The following TRIM67 variants were observed in gnomAD, a reference collection of about 807,000 sequenced individuals.
TRIM67 encodes the protein tripartite motif-containing protein 67.
TRIM67 carries 39 observed loss-of-function variants against 71.0 expected under a neutral mutation model. The observed-to-expected ratio is 0.55, with a 90% CI of 0.43 to 0.72. The LOEUF is 0.72. Among genes scored for constraint, TRIM67 ranks in the 30% least tolerant of loss-of-function variants. The pLI is 0.00. For synonymous variants in TRIM67, 481 were observed against 473.9 expected (o/e 1.01, Z -0.19); for missense variants, 973 against 1,079.2 (o/e 0.90, Z 1.38).
At chr1:231,187,742 G>A in intron 1 of TRIM67, 1 of 609,790 alleles carries the variant, frequency 1.6e-6, no homozygotes, top group Non-Finnish European at 2.8e-6. Flanking sequence ...TGGCTGGGTA[G>A]CCAGAGGGAC....
chr1:231,219,787 C>T lies in TRIM67; in HGVS notation c.*4347C>T, dbSNP rs1030608947. 21 of 1,239,612 alleles carry T rather than the reference C, an allele frequency of 1.7e-5. No individual in the cohort carries two copies. The highest frequency in any genetic ancestry group is 5.8e-5 in the East Asian group (1 of 17,246). The allele number at this position is 1,239,612 out of a possible 1,614,324, so 76.8% of individuals were successfully genotyped here. A position where few individuals can be genotyped will look rare whatever the true frequency, so the allele number is the denominator to read the frequency against. On this transcript the variant is annotated 3_prime_UTR_variant, in exon 10 of 10. Transcript: ENST00000366653. ...CAGGACTTTTCTTTTGCAAGTGAGC[C>T]GGTAGCTGTGTTTGTTGACCACATT...
In TRIM67 at chr1:231,163,586, C is replaced by T. The variant is rs775131901; in HGVS notation, c.617C>T (p.Ala206Val). 2 of 1,515,944 alleles carry T rather than the reference C, an allele frequency of 1.3e-6. No individual in the cohort carries two copies. Among genetic ancestry groups the T allele is most frequent in the South Asian group, 2.5e-5 (2 of 81,386 alleles). 93.9% of individuals were successfully genotyped at this position (1,515,944 alleles called of 1,614,324 possible). The change falls in exon 1 of 10, where the codon GCC becomes GTC. Residue 206 changes from alanine to valine, a missense_variant. By Grantham distance (64) the Ala-to-Val change is moderately conservative. Coordinates refer to ENST00000366653, the MANE Select transcript of TRIM67 (RefSeq NM_001004342.5). ...GGGACGTCTGCAGCCGCGGCGGTGGCCATCTGCCAGCTGTGCGACCGCACC... is the reference window on the plus strand; with the variant it reads ...GGGACGTCTGCAGCCGCGGCGGTGGTCATCTGCCAGCTGTGCGACCGCACC... Reference protein sequence around the residue: ...VPGTSAAAAVAICQLCDRTPP... With the variant: ...VPGTSAAAAVVICQLCDRTPP...
rs559637262 is a variant in TRIM67, at chr1:231,201,889, C to T, written c.1534+372C>T. 4.0e-5 allele frequency among the ~76,000 whole-genome samples: 6 copies of T among 150,678 alleles called. No individual in the cohort carries two copies. The East Asian group carries it at 1.2e-3, about 29-fold the overall frequency. ...ACTCACAAGATTGGGCTTACGCTCTCGAGAAGGAAATAGACACTAAACAAA... is the reference window on the plus strand; with the variant it reads ...ACTCACAAGATTGGGCTTACGCTCTTGAGAAGGAAATAGACACTAAACAAA... On this transcript the variant is annotated intron_variant, in intron 5 of 9. Transcript: ENST00000366653.
At chr1:231,202,110 G>GAGGTAGAGGAGGT (rs1683552370) in intron 5 of TRIM67, among the ~76,000 whole-genome samples, 1 of 7,994 alleles carries the variant, frequency 1.3e-4, no homozygotes. Context: ...GGAGGAGGAG[G>GAGGTAGAGGAGGT]AGGTAATGGT....
At chr1:231,168,174 A>G (rs1385067870) in intron 1 of TRIM67, among the ~76,000 whole-genome samples, 1 of 150,440 alleles carries the variant, frequency 6.6e-6, no homozygotes, top group Non-Finnish European at 1.5e-5. Context: ...TCTGTTGGCC[A>G]GGCTGGTCTC....
intron 1 of TRIM67, among the ~76,000 whole-genome samples, chr1:231,176,376 C>T (rs758139539): frequency 5.9e-5 from 9 of 152,080 alleles, no homozygotes; most frequent in Admixed American, 3.9e-4. Context: ...GAATTTCCCC[C>T]AGAGATTAGG....
At chr1:231,178,219 A>G (rs967537679) in intron 1 of TRIM67, among the ~76,000 whole-genome samples, 3 of 152,230 alleles carry the variant, frequency 2.0e-5, no homozygotes, top group South Asian at 4.1e-4. Context: ...AGATGTTAGC[A>G]CTGCTTCAAC....
Position 231,163,779 on chromosome 1 carries a change from C to T in TRIM67, c.810C>T (p.Thr270=), listed in dbSNP as rs1471029426. The change falls in exon 1 of 10, where the codon ACC becomes ACT. Residue 270 remains threonine (T), a synonymous_variant. Transcript: ENST00000366653. ...PAEAASGPTG[T]AQGAPSGGGG... is the part of the protein sequence containing the mutation. ...AGGCAGCCTCCGGGCCCACTGGCAC[C>T]GCCCAGGGCGCCCCCAGCGGAGGCG... is the stretch of plus-strand genomic sequence containing the variant. 1 of 1,460,860 alleles carries T rather than the reference C, an allele frequency of 6.8e-7. No homozygotes were observed. Among genetic ancestry groups the T allele is most frequent in the Middle Eastern group, 1.9e-4 (1 of 5,170 alleles). 90.5% of individuals were successfully genotyped at this position (1,460,860 alleles called of 1,614,324 possible). A position where few individuals can be genotyped will look rare whatever the true frequency, so the allele number is the denominator to read the frequency against.
chr1:231,217,396 C>G lies in TRIM67; in HGVS notation c.*1956C>G. The G allele has an allele frequency of 1.0e-6, 1 of 987,270 alleles. No individual in the cohort carries two copies. The highest frequency in any genetic ancestry group is 4.7e-5 in the South Asian group (1 of 21,410). The allele number at this position is 987,270 out of a possible 1,614,324, so 61.2% of individuals were successfully genotyped here. A position where few individuals can be genotyped will look rare whatever the true frequency, so the allele number is the denominator to read the frequency against. ...AGCTCTTGGTGGTGACACACAAGACCTGGGACCCTGTGTCCTTGCCCGCAC... is the reference window on the plus strand; with the variant it reads ...AGCTCTTGGTGGTGACACACAAGACGTGGGACCCTGTGTCCTTGCCCGCAC... On this transcript the variant is annotated 3_prime_UTR_variant, in exon 10 of 10. Transcript: ENST00000366653.
At chr1:231,190,659 C>T (rs1239238562) in intron 1 of TRIM67, among the ~76,000 whole-genome samples, 2 of 152,202 alleles carry the variant, frequency 1.3e-5, no homozygotes, top group Admixed American at 6.5e-5. Flanking sequence ...TCCCTCTCCC[C>T]TGTGCCCTTA....
At chr1:231,187,556 C>T in intron 1 of TRIM67, 1 of 1,532,910 alleles carries the variant, frequency 6.5e-7, no homozygotes, top group Non-Finnish European at 8.7e-7. Context: ...AGAGAAATCC[C>T]CTGTGGTCCA....
At position 231,163,266 on chromosome 1, in the gene TRIM67, G is replaced by A. The variant is rs1279920430; in HGVS notation, c.297G>A (p.Ala99=). 6 of 1,514,382 alleles carry A rather than the reference G, an allele frequency of 4.0e-6. No homozygotes were observed. Among genetic ancestry groups the A allele is most frequent in the East Asian group, 2.7e-5 (1 of 36,790 alleles). 93.8% of individuals were successfully genotyped at this position (1,514,382 alleles called of 1,614,324 possible). ...GGGAGGGGDH[A]DKLSLYSETD... is the part of the protein sequence containing the mutation. ...GTGCGGGAGGTGGCGGAGACCACGCGGACAAGCTCAGCTTGTACAGCGAGA... is the reference window on the plus strand; with the variant it reads ...GTGCGGGAGGTGGCGGAGACCACGCAGACAAGCTCAGCTTGTACAGCGAGA... The change falls in exon 1 of 10, where the codon GCG becomes GCA. Residue 99 remains alanine, a synonymous_variant. Coordinates refer to ENST00000366653, the MANE Select transcript of TRIM67 (RefSeq NM_001004342.5).
At chr1:231,174,638 A>C (rs2102719150) in intron 1 of TRIM67, among the ~76,000 whole-genome samples, 1 of 152,030 alleles carries the variant, frequency 6.6e-6, no homozygotes, top group East Asian at 1.9e-4. Context: ...ATTTTCTCAG[A>C]TGTCCTGCCC....
chr1:231,176,478 A>G (rs966563427), intron 1 of TRIM67, among the ~76,000 whole-genome samples: 2 of 152,224 alleles, frequency 1.3e-5, no homozygotes, highest in African/African-American at 2.4e-5. Context: ...TTCATTATTC[A>G]GGAAAGAAAG....
At chr1:231,206,568 G>T in intron 6 of TRIM67, 84 bp from the exon 7 acceptor site, 1 of 1,381,136 alleles carries the variant, frequency 7.2e-7, no homozygotes, top group Non-Finnish European at 9.6e-7. Flanking sequence ...CACTTTTAAT[G>T]TCAATGTGTT....
intron 3 of TRIM67, among the ~76,000 whole-genome samples, chr1:231,199,638 G>T (rs974573775): frequency 6.6e-6 from 1 of 152,126 alleles, no homozygotes; most frequent in East Asian, 1.9e-4. Flanking sequence ...ACTCAGCCAG[G>T]CACCCATGAA....
chr1:231,167,361 C>T (rs776815340), intron 1 of TRIM67, among the ~76,000 whole-genome samples: 27 of 47,504 alleles, frequency 5.7e-4, no homozygotes, highest in African/African-American at 1.1e-3. Flanking sequence ...CTCGCTCTGT[C>T]GCCCAGGCTG....
Position 231,219,622 on chromosome 1 carries a change from T to G in TRIM67, c.*4182T>G. The G allele has an allele frequency of 1.7e-6, 2 of 1,145,046 alleles. No homozygotes were observed. Among genetic ancestry groups the G allele is most frequent in the Non-Finnish European group, 1.1e-6 (1 of 921,996 alleles). 70.9% of individuals were successfully genotyped at this position (1,145,046 alleles called of 1,614,324 possible). On this transcript the variant is annotated 3_prime_UTR_variant, in exon 10 of 10. Transcript: ENST00000366653. ...CTCCCCACTTCCTAGAAAGCAAAAC[T>G]CGTTACCTTTGTTTTCCTTGGCCAC...
chr1:231,176,084 C>T (rs1682739336), intron 1 of TRIM67, among the ~76,000 whole-genome samples: 1 of 152,136 alleles, frequency 6.6e-6, no homozygotes, highest in Non-Finnish European at 1.5e-5. Context: ...TTCCTGAGTC[C>T]ATCTGTGTCC....
Sources: gnomAD v4.1 joint callset for allele counts (sites outside exome capture counted in the v4.1 genomes callset) on GRCh38, gnomAD v4.1.1 for gene constraint, MANE v1.5 for transcripts, NCBI Gene and HGNC (gene_info 2026-07-23, HGNC 2026-07-21) for gene names.